DPP10: variants seen among roughly 807,000 people sequenced by gnomAD.
DPP10 encodes the protein dipeptidyl peptidase like 10, also known as inactive dipeptidyl peptidase 10.
DPP10 carries 33 observed loss-of-function variants against 120.9 expected under a neutral mutation model. The observed-to-expected ratio is 0.27, with a 90% CI of 0.21 to 0.37. The LOEUF is 0.37. Ranked by LOEUF, DPP10 falls within the 10% of genes least tolerant of loss-of-function variation. DPP10 has a pLI of 1.00. For missense variants in DPP10, 816 were observed against 942.8 expected, an observed-to-expected ratio of 0.87 and a Z score of 1.76; for synonymous variants, 337 against 326.1, an observed-to-expected ratio of 1.03 and a Z score of -0.36.
At chr2:114,898,851 C>T (rs1011109393) in intron 1 of DPP10, among the ~76,000 whole-genome samples, 1 of 152,080 alleles carries the variant, frequency 6.6e-6, no homozygotes, top group Non-Finnish European at 1.5e-5. Context: ...TGTCTTTGCA[C>T]CAATTTTCCC....
chr2:115,210,781 A>G (rs1425088704), intron 1 of DPP10, among the ~76,000 whole-genome samples: 1 of 151,994 alleles, frequency 6.6e-6, no homozygotes, highest in East Asian at 1.9e-4. Flanking sequence ...GATGATGAGC[A>G]TTTTTTCATG....
chr2:115,543,605 A>G (rs1212981805), intron 5 of DPP10, among the ~76,000 whole-genome samples: 1 of 151,956 alleles, frequency 6.6e-6, no homozygotes. Context: ...AACACCGCAT[A>G]TAAACTCTTT....
At chr2:114,907,807 G>C (rs1694084995) in intron 1 of DPP10, among the ~76,000 whole-genome samples, 2 of 151,970 alleles carry the variant, frequency 1.3e-5, no homozygotes, top group African/African-American at 2.4e-5. Context: ...GCTATGTCTA[G>C]TTGGCTTATA....
At chr2:115,674,086 A>G (rs1467119840) in intron 5 of DPP10, among the ~76,000 whole-genome samples, 4 of 151,992 alleles carry the variant, frequency 2.6e-5, no homozygotes, top group South Asian at 2.1e-4. Flanking sequence ...CTAGCTGGGC[A>G]TGGTGACGCT....
At chr2:115,025,071 A>T (rs1309669524) in intron 1 of DPP10, among the ~76,000 whole-genome samples, 3 of 147,548 alleles carry the variant, frequency 2.0e-5, no homozygotes, top group African/African-American at 7.4e-5. Flanking sequence ...AATGTTAACT[A>T]TAGTCACCTT....
chr2:115,358,917 A>C (rs2064588014), intron 3 of DPP10, among the ~76,000 whole-genome samples: 1 of 152,288 alleles, frequency 6.6e-6, no homozygotes, highest in South Asian at 2.1e-4. Context: ...TCACAAGAAT[A>C]GCATGGATGT....
intron 1 of DPP10, among the ~76,000 whole-genome samples, chr2:115,000,532 T>G (rs1395195521): frequency 6.6e-6 from 1 of 152,200 alleles, no homozygotes. Flanking sequence ...CATTGGTTCC[T>G]TTTGTCATTA....
At chr2:115,617,810 C>T (rs1047667440) in intron 5 of DPP10, among the ~76,000 whole-genome samples, 1 of 152,046 alleles carries the variant, frequency 6.6e-6, no homozygotes, top group African/African-American at 2.4e-5. Context: ...CTGTTTTTTC[C>T]TTTATGTCCA....
intron 1 of DPP10, among the ~76,000 whole-genome samples, chr2:114,799,272 A>T (rs1683983375): frequency 6.6e-6 from 1 of 152,216 alleles, no homozygotes; most frequent in South Asian, 2.1e-4. Flanking sequence ...CATCAAAACT[A>T]ACCCCAACGT....
At chr2:115,557,259 A>G (rs2080272441) in intron 5 of DPP10, among the ~76,000 whole-genome samples, 1 of 152,212 alleles carries the variant, frequency 6.6e-6, no homozygotes, top group South Asian at 2.1e-4. Flanking sequence ...TTTTTGCAAC[A>G]TGACACTACA....
At chr2:115,378,999 T>C (rs2066051812) in intron 3 of DPP10, among the ~76,000 whole-genome samples, 2 of 152,236 alleles carry the variant, frequency 1.3e-5, no homozygotes, top group African/African-American at 2.4e-5. Context: ...TCAAGGATAT[T>C]GGTCTAACAT....
intron 3 of DPP10, among the ~76,000 whole-genome samples, chr2:115,488,961 T>C (rs1246344141): frequency 6.6e-6 from 1 of 152,046 alleles, no homozygotes; most frequent in Non-Finnish European, 1.5e-5. Context: ...ACATACCTTT[T>C]AGAGTGTATG....
chr2:114,742,013 A>G (rs1039402489), intron 1 of DPP10, among the ~76,000 whole-genome samples: 1 of 152,228 alleles, frequency 6.6e-6, no homozygotes, highest in African/African-American at 2.4e-5. Flanking sequence ...CCAGTTGCCT[A>G]AAGAGCCAAC....
At chr2:115,524,943 A>G (rs921011995) in intron 4 of DPP10, among the ~76,000 whole-genome samples, 1 of 152,058 alleles carries the variant, frequency 6.6e-6, no homozygotes, top group Non-Finnish European at 1.5e-5. Context: ...TATCCTATCC[A>G]TTGTGTTTTG....
intron 1 of DPP10, among the ~76,000 whole-genome samples, chr2:115,176,252 T>G (rs1284141594): frequency 6.7e-6 from 1 of 148,166 alleles, no homozygotes; most frequent in Admixed American, 6.8e-5. Context: ...ATATGTTGTA[T>G]ATTTATATTT....
At chr2:115,688,482 CT>C (rs1334296326) in intron 5 of DPP10, among the ~76,000 whole-genome samples, 1 of 152,020 alleles carries the variant, frequency 6.6e-6, no homozygotes, top group Non-Finnish European at 1.5e-5. Flanking sequence ...ATAAAAGAAG[CT>C]TTTACAATTG....
At chr2:114,539,098 G>T (rs907979028) in intron 1 of DPP10, among the ~76,000 whole-genome samples, 12 of 151,064 alleles carry the variant, frequency 7.9e-5, no homozygotes, top group Non-Finnish European at 1.0e-4. Context: ...CAGACAAAGT[G>T]ATGTTTTTAA....
At chr2:115,025,989 A>AT (rs1703433004) in intron 1 of DPP10, among the ~76,000 whole-genome samples, 1 of 151,208 alleles carries the variant, frequency 6.6e-6, no homozygotes, top group East Asian at 2.0e-4. Flanking sequence ...CACTTTGTTG[A>AT]TTTTTTCCTT....
At chr2:115,001,554 G>A (rs1251479457) in intron 1 of DPP10, among the ~76,000 whole-genome samples, 3 of 152,024 alleles carry the variant, frequency 2.0e-5, no homozygotes, top group Non-Finnish European at 4.4e-5. Context: ...GAGCAATCAG[G>A]CAAGAGAAAG....
Sources: allele counts gnomAD v4.1 joint callset (sites outside exome capture counted in the v4.1 genomes callset), GRCh38; gene constraint gnomAD v4.1.1; transcripts MANE v1.5; gene names NCBI Gene and HGNC (gene_info 2026-07-23, HGNC 2026-07-21).